Variants in FSTL4 observed in about 807,000 individuals in gnomAD.
The protein encoded by FSTL4 is follistatin like 4.
FSTL4 carries 28 observed loss-of-function variants against 78.2 expected under a neutral mutation model. That is an observed-to-expected ratio of 0.36 (90% CI 0.27 to 0.49). The LOEUF (loss-of-function observed/expected upper bound fraction) is 0.49. FSTL4 is among the 20% of genes least tolerant of loss of function. The pLI is 0.98. For synonymous variants in FSTL4, 422 were observed against 440.5 expected (o/e 0.96, Z 0.53); for missense variants, 922 against 1,084.9 (o/e 0.85, Z 2.11).
Position 133,338,297 on chromosome 5 carries a change from G to A in FSTL4, c.410-21645C>T, listed in dbSNP as rs1754508709. Among the ~76,000 whole-genome samples, 1 of 152,096 alleles carries A rather than the reference G, an allele frequency of 6.6e-6. No homozygotes were observed. Among genetic ancestry groups the A allele is most frequent in the South Asian group, 2.1e-4 (1 of 4,826 alleles). ...GGTGTGCTGACCCATTTATGCCAGT[G>A]CACACTCTGGACTGGCTCCTGCGGG... On this transcript the variant is annotated intron_variant, in intron 4 of 15. Coordinates refer to ENST00000265342, the MANE Select transcript of FSTL4 (RefSeq NM_015082.2). This position sits in a 1 kb window ranked among gnomAD's most constrained non-coding sequence, Gnocchi z 4.0.
intron 3 of FSTL4, among the ~76,000 whole-genome samples, chr5:133,484,142 C>A (rs1247745335): frequency 6.6e-6 from 1 of 152,224 alleles, no homozygotes; most frequent in East Asian, 1.9e-4. Flanking sequence ...TGCTGTACAG[C>A]AAATTGGGCA....
At chr5:133,759,855 T>C in the FSTL4 span, among the ~76,000 whole-genome samples, 4 of 152,218 alleles carry the variant, frequency 2.6e-5, no homozygotes, top group African/African-American at 9.6e-5. Context: ...TGAGAGGTGA[T>C]TTTTTTATTT....
intron 3 of FSTL4, among the ~76,000 whole-genome samples, chr5:133,458,863 G>A (rs1459541979): frequency 6.6e-6 from 1 of 152,214 alleles, no homozygotes. Context: ...CTCCTGTGAA[G>A]GCCCCATCAC....
chr5:133,491,937 ATAT>A (rs202141664), intron 3 of FSTL4, among the ~76,000 whole-genome samples: 1,895 of 152,236 alleles, frequency 0.012, 40 homozygotes, highest in African/African-American at 0.044. Context: ...TTATTGCTAT[ATAT>A]TATTACCACT....
the FSTL4 span, among the ~76,000 whole-genome samples, chr5:133,803,818 C>A: frequency 1.3e-5 from 2 of 152,174 alleles, no homozygotes; most frequent in Admixed American, 6.5e-5. Context: ...ACACCCTCTT[C>A]CACATCCCAG....
At chr5:133,205,069 G>T (rs1750452098) in intron 14 of FSTL4, among the ~76,000 whole-genome samples, 2 of 152,212 alleles carry the variant, frequency 1.3e-5, no homozygotes, top group East Asian at 1.9e-4. Flanking sequence ...GTAATTCCTG[G>T]TATTATGCTT....
intron 3 of FSTL4, among the ~76,000 whole-genome samples, chr5:133,432,326 C>A (rs1040123774): frequency 6.6e-6 from 1 of 152,158 alleles, no homozygotes; most frequent in African/African-American, 2.4e-5. Flanking sequence ...GAGAGAAATT[C>A]TCTTCATAAT....
the FSTL4 span, among the ~76,000 whole-genome samples, chr5:133,829,503 C>A: frequency 6.6e-6 from 1 of 152,210 alleles, no homozygotes; most frequent in Non-Finnish European, 1.5e-5. Flanking sequence ...TTATTCAGCA[C>A]CTGCTCTATA....
intron 6 of FSTL4, among the ~76,000 whole-genome samples, chr5:133,310,994 GTCAATGTATAACAACCGGC>G (rs1753765592): frequency 1.3e-5 from 2 of 152,144 alleles, no homozygotes; most frequent in South Asian, 4.2e-4. Context: ...TGACATGCAG[GTCAATGTATAACAACCGGC>G]TCCCTAGAGA....
At chr5:133,486,039 C>T (rs1345584622) in intron 3 of FSTL4, among the ~76,000 whole-genome samples, 1 of 152,144 alleles carries the variant, frequency 6.6e-6, no homozygotes, top group Non-Finnish European at 1.5e-5. Context: ...GAATGGCACT[C>T]ACGGTGAGAA....
At chr5:133,543,761 G>C (rs1490805917) in intron 3 of FSTL4, among the ~76,000 whole-genome samples, 2 of 151,350 alleles carry the variant, frequency 1.3e-5, no homozygotes, top group Non-Finnish European at 3.0e-5. Flanking sequence ...CATTTGGTTT[G>C]TTTACATTTA....
At chr5:133,411,669 A>G (rs1756480356) in intron 3 of FSTL4, among the ~76,000 whole-genome samples, 2 of 152,220 alleles carry the variant, frequency 1.3e-5, no homozygotes, top group Non-Finnish European at 2.9e-5. Flanking sequence ...CAGGAGCCAG[A>G]CAGGGATATT....
the FSTL4 span, among the ~76,000 whole-genome samples, chr5:133,744,703 T>C: frequency 3.9e-5 from 6 of 152,154 alleles, no homozygotes; most frequent in Non-Finnish European, 8.8e-5. Flanking sequence ...CTTTCTGCCA[T>C]TCAGGTTGAA....
At chr5:133,605,005 A>G (rs1760947642) in intron 1 of FSTL4, among the ~76,000 whole-genome samples, 1 of 152,226 alleles carries the variant, frequency 6.6e-6, no homozygotes, top group South Asian at 2.1e-4. Context: ...ACTAAGGATC[A>G]GCTACAACAA....
intron 4 of FSTL4, among the ~76,000 whole-genome samples, chr5:133,363,501 A>G (rs1359917461): frequency 6.6e-6 from 1 of 152,122 alleles, no homozygotes; most frequent in Non-Finnish European, 1.5e-5. Flanking sequence ...TTCCCTGACC[A>G]CCGCAGCCTG....
chr5:133,619,600 T>A, the FSTL4 span, among the ~76,000 whole-genome samples: 1 of 152,200 alleles, frequency 6.6e-6, no homozygotes, highest in East Asian at 1.9e-4. Flanking sequence ...AGTTGAAGTC[T>A]CCTGACTCCA....
chr5:133,235,040 G>A (rs748311202), intron 7 of FSTL4, among the ~76,000 whole-genome samples: 5 of 152,140 alleles, frequency 3.3e-5, no homozygotes, highest in Non-Finnish European at 5.9e-5. Flanking sequence ...AGAGAAGGCC[G>A]TGGTGGCATG....
At chr5:133,605,799 C>CT (rs1427445757) in intron 1 of FSTL4, among the ~76,000 whole-genome samples, 1 of 152,122 alleles carries the variant, frequency 6.6e-6, no homozygotes, top group East Asian at 1.9e-4. Flanking sequence ...TCTTTGACAT[C>CT]TGTTGACAAA....
At chr5:133,602,663 T>G (rs1481007431) in intron 2 of FSTL4, among the ~76,000 whole-genome samples, 1 of 152,220 alleles carries the variant, frequency 6.6e-6, no homozygotes. Context: ...CTCCAGACTC[T>G]TTCAAAAGAG....
Sources: allele counts gnomAD v4.1 joint callset (sites outside exome capture counted in the v4.1 genomes callset), GRCh38; gene constraint gnomAD v4.1.1; non-coding constraint Gnocchi (gnomAD v3.1); transcripts MANE v1.5; gene names NCBI Gene and HGNC (gene_info 2026-07-23, HGNC 2026-07-21).